Variants in KIF15 observed in about 807,000 individuals in gnomAD.
KIF15 encodes kinesin-like protein KIF15.
KIF15 carries 140 observed loss-of-function variants against 190.6 expected under a neutral mutation model. The ratio of observed to expected loss-of-function variants is 0.73; its 90% CI spans 0.64 to 0.84. The LOEUF is 0.84. Ranked by LOEUF, KIF15 falls within the 40% of genes least tolerant of loss-of-function variation. The probability of loss-of-function intolerance (pLI) is 0.00; values close to 1 mark genes in which losing one functional copy is unlikely to be tolerated. For synonymous variants in KIF15, 528 were observed against 551.3 expected (o/e 0.96, Z 0.59); for missense variants, 1,372 against 1,584.4 (o/e 0.87, Z 2.28).
intron 20 of KIF15, among the ~76,000 whole-genome samples, chr3:44,824,695 A>G (rs1697546345): frequency 6.6e-6 from 1 of 152,180 alleles, no homozygotes; most frequent in Non-Finnish European, 1.5e-5. Context: ...AAAAAATGTT[A>G]AGAATCCACT....
At chr3:44,830,753 T>C in intron 25 of KIF15, 143 bp from the exon 26 acceptor site, 1 of 793,240 alleles carries the variant, frequency 1.3e-6, no homozygotes, top group Non-Finnish European at 1.9e-6. Flanking sequence ...GCACTTATTC[T>C]TCTATTCCTT....
chr3:44,812,968 G>C, intron 18 of KIF15, 107 bp from the exon 19 acceptor site: 1 of 644,962 alleles, frequency 1.6e-6, no homozygotes, highest in Non-Finnish European at 2.5e-6. Flanking sequence ...CTGGGTGACA[G>C]AGCAAGACTC....
At chr3:44,792,191 A>G (rs1706740880) in intron 7 of KIF15, among the ~76,000 whole-genome samples, 1 of 152,102 alleles carries the variant, frequency 6.6e-6, no homozygotes. Context: ...AACAGATACA[A>G]ATAGCTGGGC....
At chr3:44,783,286 A>C (rs1055943890) in intron 5 of KIF15, among the ~76,000 whole-genome samples, 2 of 152,160 alleles carry the variant, frequency 1.3e-5, no homozygotes, top group African/African-American at 4.8e-5. Flanking sequence ...TGAGGGCCTC[A>C]TGCTGCTTCA....
At chr3:44,862,058 G>T in intron 6 of KIF15, 1 of 1,327,338 alleles carries the variant, frequency 7.5e-7, no homozygotes. Flanking sequence ...AACTGTCTGT[G>T]CGCCGGCGCG....
intron 14 of KIF15, among the ~76,000 whole-genome samples, chr3:44,804,587 G>A (rs2125643630): frequency 6.6e-6 from 1 of 152,296 alleles, no homozygotes; most frequent in Middle Eastern, 3.4e-3. Flanking sequence ...AATGGGAAAG[G>A]TGTTGCCTTA....
chr3:44,810,824 C>T (rs915877281), intron 16 of KIF15, 22 bp from the exon 17 acceptor site: 2 of 1,573,372 alleles, frequency 1.3e-6, no homozygotes, highest in African/African-American at 2.7e-5. Context: ...CTAATGTTTT[C>T]CATAATCATT....
intron 26 of KIF15, 51 bp from the exon 27 acceptor site, chr3:44,838,224 T>C: frequency 6.5e-7 from 1 of 1,532,428 alleles, no homozygotes; most frequent in South Asian, 1.3e-5. Context: ...GATTTGGGAA[T>C]CCTTATTGGA....
At chr3:44,825,193 A>G (rs1449298342) in intron 20 of KIF15, among the ~76,000 whole-genome samples, 1 of 152,230 alleles carries the variant, frequency 6.6e-6, no homozygotes, top group Non-Finnish European at 1.5e-5. Context: ...ATGAAACAGC[A>G]TGACACTGCC....
intron 7 of KIF15, among the ~76,000 whole-genome samples, chr3:44,789,691 T>TGTATAA (rs1706591304): frequency 6.4e-5 from 7 of 109,770 alleles, no homozygotes; most frequent in African/African-American, 2.6e-4. Flanking sequence ...TATATATATA[T>TGTATAA]AAAATAGATA....
intron 20 of KIF15, among the ~76,000 whole-genome samples, chr3:44,819,504 C>G (rs1021027827): frequency 2.0e-5 from 3 of 152,060 alleles, no homozygotes; most frequent in Non-Finnish European, 2.9e-5. Flanking sequence ...CGTTATTTAC[C>G]CAGTAGTCAT....
intron 4 of KIF15, among the ~76,000 whole-genome samples, chr3:44,779,116 CCTTGTTGTT>C (rs540320335): frequency 5.1e-4 from 77 of 151,636 alleles, no homozygotes; most frequent in Middle Eastern, 7.0e-3. Context: ...AAATTATTTA[CCTTGTTGTT>C]CTTGTTGTTC....
Position 44,810,960 on chromosome 3 carries a change from AATG to A in KIF15, c.2089_2091del (p.Asp697del). 1 of 1,613,420 alleles carries A rather than the reference AATG, an allele frequency of 6.2e-7. No homozygotes were observed. On this transcript the variant is annotated inframe_deletion, in exon 17 of 35. Transcript: ENST00000326047. ...CACTCAGAATTCTAGCATATTAGATAATGATATATTAAATGAGCCAGTTCCTCC... is the reference window on the plus strand; with the variant it reads ...CACTCAGAATTCTAGCATATTAGATAATATATTAAATGAGCCAGTTCCTCC...
chr3:44,848,192 G>A, intron 31 of KIF15, 135 bp downstream of exon 31: 1 of 636,686 alleles, frequency 1.6e-6, no homozygotes, highest in Non-Finnish European at 2.7e-6. Flanking sequence ...TGTTTAGCAT[G>A]ATATTTACCA....
At chr3:44,773,997 A>C (rs1014025640) in intron 1 of KIF15, among the ~76,000 whole-genome samples, 1 of 152,206 alleles carries the variant, frequency 6.6e-6, no homozygotes, top group African/African-American at 2.4e-5. Flanking sequence ...CTCTCCCTGC[A>C]TAAGGCACAA....
At position 44,815,062 on chromosome 3, in the gene KIF15, A is replaced by G. The variant is rs750162536; in HGVS notation, c.2535A>G (p.Gln845=). 4.4e-6 allele frequency: 7 copies of G among 1,595,754 alleles called. No individual in the cohort carries two copies. Among genetic ancestry groups the G allele is most frequent in the Admixed American group, 3.6e-5 (2 of 56,030 alleles). The change falls in exon 20 of 35, where the codon CAA becomes CAG. Residue 845 remains glutamine (Q), a synonymous_variant. Transcript: ENST00000326047. ...LSERHMHVQL[Q]LDNLRLENEK... Reference sequence around the variant, plus strand: ...AAAGACACATGCATGTACAGCTTCAATTAGATAATCTCAGGTAGAGTTGTT... The same window carrying G: ...AAAGACACATGCATGTACAGCTTCAGTTAGATAATCTCAGGTAGAGTTGTT...
At chr3:44,810,396 C>A (rs1486294810) in intron 16 of KIF15, among the ~76,000 whole-genome samples, 15 of 152,036 alleles carry the variant, frequency 9.9e-5, no homozygotes, top group African/African-American at 2.9e-4. Context: ...GGACTACAGG[C>A]CTGGGACACC....
chr3:44,821,951 G>A (rs1378941759), intron 20 of KIF15, among the ~76,000 whole-genome samples: 4 of 152,320 alleles, frequency 2.6e-5, no homozygotes, highest in East Asian at 3.9e-4. Context: ...GCGAAACCCC[G>A]TCTCCACCAA....
intron 2 of KIF15, 22 bp downstream of exon 2, chr3:44,774,459 A>G: frequency 2.5e-6 from 4 of 1,592,566 alleles, no homozygotes; most frequent in Non-Finnish European, 3.4e-6. Flanking sequence ...AATATTCTCA[A>G]TGAGCTCCCA....
Sources: gnomAD v4.1 joint callset for allele counts (sites outside exome capture counted in the v4.1 genomes callset) on GRCh38, gnomAD v4.1.1 for gene constraint, MANE v1.5 for transcripts, NCBI Gene and HGNC (gene_info 2026-07-23, HGNC 2026-07-21) for gene names.